The following IPO5 variants were observed in gnomAD, a reference collection of about 807,000 sequenced individuals.
IPO5 encodes importin-5.
A neutral mutation model predicts 143.3 loss-of-function variants in IPO5; 18 were observed. The observed-to-expected ratio is 0.13, with a 90% confidence interval of 0.09 to 0.19. The LOEUF (loss-of-function observed/expected upper bound fraction) is 0.19, where lower values mean the gene tolerates loss of function less well. IPO5 is among the 10% of genes least tolerant of loss of function. The pLI is 1.00. For synonymous variants in IPO5, 477 were observed against 465.7 expected (o/e 1.02, Z -0.31); for missense variants, 1,013 against 1,336.9 (o/e 0.76, Z 3.78).
In IPO5 at chr13:97,976,784, G is replaced by T; in HGVS notation, c.88G>T (p.Glu30Ter). 1 of 1,358,742 alleles carries T rather than the reference G, an allele frequency of 7.4e-7. No homozygotes were observed. Among genetic ancestry groups the T allele is most frequent in the Non-Finnish European group, 9.8e-7 (1 of 1,020,124 alleles). 84.2% of individuals were successfully genotyped at this position (1,358,742 alleles called of 1,614,324 possible). The change falls in exon 4 of 29, where the codon GAG becomes TAG. Residue 30 changes from glutamate to a stop codon, truncating the protein, a stop_gained and splice_region_variant. Transcript: ENST00000651721. LOFTEE classifies it high-confidence loss of function. Reference sequence around the variant, plus strand: ...CGACAATGTGGTCCGGAAACAGGCAGAGGTAACCGAGTTCGCCGCCCCAGT... The same window carrying T: ...CGACAATGTGGTCCGGAAACAGGCATAGGTAACCGAGTTCGCCGCCCCAGT... ...SPDNVVRKQA[E>*]ETYENIPGQS...
chr13:98,021,269 C>T, intron 28 of IPO5, 136 bp downstream of exon 28: 1 of 705,150 alleles, frequency 1.4e-6, no homozygotes, highest in Non-Finnish European at 2.2e-6. Context: ...GTCTCCAAGC[C>T]TCAAATGGAT....
Position 98,008,073 on chromosome 13 carries a change from A to G in IPO5, c.1731A>G (p.Ala577=). 4 of 1,607,392 alleles carry G rather than the reference A, an allele frequency of 2.5e-6. No homozygotes were observed. Among genetic ancestry groups the G allele is most frequent in the Non-Finnish European group, 3.4e-6 (4 of 1,173,920 alleles). The change falls in exon 18 of 29, where the codon GCA becomes GCG. Residue 577 remains alanine, a synonymous_variant. Transcript: ENST00000651721. ...AVGKEKFMQD[A]SDVMQLLLKT... ...TTTTCCTCTAGTTCATGCAGGATGCATCAGATGTGATGCAGCTTTTGTTAA... is the reference window on the plus strand; with the variant it reads ...TTTTCCTCTAGTTCATGCAGGATGCGTCAGATGTGATGCAGCTTTTGTTAA...
chr13:97,996,649 C>G (rs1052410068), intron 11 of IPO5, among the ~76,000 whole-genome samples: 1 of 152,078 alleles, frequency 6.6e-6, no homozygotes, highest in Non-Finnish European at 1.5e-5. Flanking sequence ...GTCGTCCAGG[C>G]TGGAGTGCAG....
intron 3 of IPO5, among the ~76,000 whole-genome samples, chr13:97,971,304 C>T (rs1885809396): frequency 6.6e-6 from 1 of 152,230 alleles, no homozygotes; most frequent in African/African-American, 2.4e-5. Context: ...TAGGGTCCCA[C>T]TTGCCCCTGG....
At chr13:97,980,963 A>G (rs889332756) in intron 4 of IPO5, among the ~76,000 whole-genome samples, 1 of 152,218 alleles carries the variant, frequency 6.6e-6, no homozygotes, top group African/African-American at 2.4e-5. Context: ...TACTTTTTAA[A>G]TGAAAACATA....
intron 4 of IPO5, among the ~76,000 whole-genome samples, chr13:97,977,237 G>T (rs1359351511): frequency 6.6e-6 from 1 of 152,140 alleles, no homozygotes; most frequent in Non-Finnish European, 1.5e-5. Flanking sequence ...GACCCGTCAC[G>T]CCTGCTTCTA....
chr13:97,957,852 C>A (rs1008570908), intron 2 of IPO5, among the ~76,000 whole-genome samples: 1 of 151,590 alleles, frequency 6.6e-6, no homozygotes, highest in African/African-American at 2.4e-5. Context: ...TTAAAGAAAC[C>A]CTGTCTTCTG....
At chr13:97,992,771 A>G (rs1326625913) in intron 9 of IPO5, 121 bp from the exon 10 acceptor site, 1 of 1,064,268 alleles carries the variant, frequency 9.4e-7, no homozygotes, top group East Asian at 2.4e-5. Context: ...AGATTGCTAA[A>G]TTATTTAGTG....
rs1012899707 is a variant in IPO5, at chr13:98,006,010, G to C, written c.1498-120G>C. 31 of 676,086 alleles carry C rather than the reference G, an allele frequency of 4.6e-5. No homozygotes were observed. In the African/African-American group the frequency reaches 4.9e-4, roughly 11 times the overall value. 41.9% of individuals were successfully genotyped at this position (676,086 alleles called of 1,614,324 possible). On this transcript the variant is annotated intron_variant, in intron 16 of 28. Transcript: ENST00000651721. ...AAAACCTACAGTCTCTGCTTCTGGA[G>C]AGGTGGTCTCATTCTGCTGTTTCAG...
chr13:97,988,398 A>G (rs1887550251), intron 6 of IPO5, among the ~76,000 whole-genome samples: 1 of 152,122 alleles, frequency 6.6e-6, no homozygotes, highest in African/African-American at 2.4e-5. Context: ...TACTTTTTCA[A>G]CTCTTTAATA....
At chr13:97,996,306 C>T (rs1448157865) in intron 11 of IPO5, among the ~76,000 whole-genome samples, 3 of 152,182 alleles carry the variant, frequency 2.0e-5, no homozygotes, top group Non-Finnish European at 2.9e-5. Flanking sequence ...CCACCTAAGC[C>T]TCCCGAAGTG....
At chr13:98,015,440 C>T (rs1347414112) in intron 22 of IPO5, 90 bp from the exon 23 acceptor site, 1 of 713,618 alleles carries the variant, frequency 1.4e-6, no homozygotes, top group African/African-American at 1.8e-5. Flanking sequence ...GAACTGTGTT[C>T]ATTTTTCCAT....
chr13:98,019,849 C>T (rs1288281775), intron 27 of IPO5, 40 bp downstream of exon 27: 7 of 1,368,104 alleles, frequency 5.1e-6, no homozygotes, highest in Non-Finnish European at 7.3e-6. Flanking sequence ...TTCTCCTCCA[C>T]AGTGCTTCCT....
At chr13:98,018,187 A>G (rs751257243) in intron 25 of IPO5, among the ~76,000 whole-genome samples, 1 of 152,010 alleles carries the variant, frequency 6.6e-6, no homozygotes, top group African/African-American at 2.4e-5. Context: ...TAGCATTACC[A>G]TTGTCTTTTT....
intron 3 of IPO5, among the ~76,000 whole-genome samples, chr13:97,974,563 G>GC (rs1886102182): frequency 6.6e-6 from 1 of 151,524 alleles, no homozygotes; most frequent in Admixed American, 6.6e-5. Context: ...GCCCACCTCG[G>GC]CCCCCCAAAG....
Position 98,014,098 on chromosome 13 carries a change from C to A in IPO5, c.2209C>A (p.Arg737Ser), listed in dbSNP as rs1383579161. The A allele has an allele frequency of 6.2e-7, 1 of 1,613,756 alleles. No individual in the cohort carries two copies. Among genetic ancestry groups the A allele is most frequent in the Non-Finnish European group, 8.5e-7 (1 of 1,179,888 alleles). The change falls in exon 22 of 29, where the codon CGT (arginine) becomes AGT (serine). Residue 737 changes from arginine (R) to serine (S), a missense_variant. By Grantham distance (110) the Arg-to-Ser change is moderately radical. Coordinates refer to ENST00000651721, the MANE Select transcript of IPO5 (RefSeq NM_002271.6). ...MPLLLECARVRGPEYLTQMWH... is the reference protein window; with the variant it reads ...MPLLLECARVSGPEYLTQMWH... ...TCTTCTCCTGGAGTGTGCAAGAGTC[C>A]GTGGTCCTGAGTATCTCACACAGAT...
chr13:98,019,390 C>T (rs1211952549), intron 26 of IPO5, among the ~76,000 whole-genome samples, 191 bp from the exon 27 acceptor site: 1 of 152,210 alleles, frequency 6.6e-6, no homozygotes. Context: ...AGGGCTAGTG[C>T]TCCTGTCCAT....
chr13:98,023,669 A>T lies in IPO5; in HGVS notation c.*1847A>T, dbSNP rs563456209. 3.6e-4 allele frequency: 55 copies of T among 152,288 alleles called. 1 individual carries two copies. In the East Asian group the frequency reaches 0.01, roughly 28 times the overall value. 9.4% of individuals were successfully genotyped at this position (152,288 alleles called of 1,614,324 possible). On this transcript the variant is annotated 3_prime_UTR_variant, in exon 29 of 29. Transcript: ENST00000651721. The stretch of plus-strand genomic sequence containing the variant: ...GTTTAAACACTAGTGGTATTGTCAG[A>T]TGCCGTTAGTATCTGAGATGTACTT...
chr13:98,003,627 A>G (rs1027207275), intron 16 of IPO5, among the ~76,000 whole-genome samples: 21 of 152,140 alleles, frequency 1.4e-4, no homozygotes, highest in African/African-American at 4.6e-4. Context: ...AGGCAGGTGG[A>G]TCACCTGAGG....
Sources: allele counts gnomAD v4.1 joint callset (sites outside exome capture counted in the v4.1 genomes callset), GRCh38; gene constraint gnomAD v4.1.1; transcripts MANE v1.5; gene names NCBI Gene and HGNC (gene_info 2026-07-23, HGNC 2026-07-21).